Variants in FBXW11 observed in about 807,000 individuals in gnomAD.
FBXW11 encodes the protein F-box/WD repeat-containing protein 11.
FBXW11 carries 19 observed loss-of-function variants against 77.6 expected under a neutral mutation model. The observed-to-expected ratio is 0.24, with a 90% CI of 0.17 to 0.36. The LOEUF (loss-of-function observed/expected upper bound fraction) is 0.36. Among genes scored for constraint, FBXW11 ranks in the 10% least tolerant of loss-of-function variants. The pLI is 1.00. For missense variants in FBXW11, 334 were observed against 704.2 expected, an observed-to-expected ratio of 0.47 and a Z score of 5.95; for synonymous variants, 235 against 249.4, an observed-to-expected ratio of 0.94 and a Z score of 0.54.
intron 1 of FBXW11, among the ~76,000 whole-genome samples, chr5:171,970,571 A>C (rs1402866420): frequency 6.6e-6 from 1 of 152,242 alleles, no homozygotes; most frequent in African/African-American, 2.4e-5. Context: ...TCTTGAATAC[A>C]TACAACATTT....
At chr5:171,913,560 T>A (rs952538221) in intron 3 of FBXW11, among the ~76,000 whole-genome samples, 3 of 152,204 alleles carry the variant, frequency 2.0e-5, no homozygotes, top group Non-Finnish European at 2.9e-5. Context: ...CAGCAAGCTC[T>A]TCCTAGCATT....
chr5:171,967,871 T>TACACACACACAC (rs1764290306), intron 1 of FBXW11, among the ~76,000 whole-genome samples: 1 of 110,854 alleles, frequency 9.0e-6, no homozygotes, highest in Non-Finnish European at 1.8e-5. Flanking sequence ...TATATATATA[T>TACACACACACAC]ATATATATAT....
intron 1 of FBXW11, among the ~76,000 whole-genome samples, chr5:171,985,947 A>C (rs952991348): frequency 2.3e-4 from 35 of 152,092 alleles, no homozygotes; most frequent in African/African-American, 8.5e-4. Flanking sequence ...ATTCTGACCC[A>C]AAAAAATAAA....
chr5:171,938,384 A>G (rs1018367719), intron 2 of FBXW11, among the ~76,000 whole-genome samples: 2 of 152,354 alleles, frequency 1.3e-5, no homozygotes, highest in African/African-American at 4.8e-5. Context: ...TTCAAAAAAC[A>G]TAACATGACC....
At chr5:171,967,196 C>T (rs1764236662) in intron 1 of FBXW11, among the ~76,000 whole-genome samples, 1 of 152,164 alleles carries the variant, frequency 6.6e-6, no homozygotes, top group South Asian at 2.1e-4. Context: ...AACTCATGCA[C>T]ATCATTTGAC....
At chr5:171,968,128 A>G (rs976053631) in intron 1 of FBXW11, among the ~76,000 whole-genome samples, 5 of 152,008 alleles carry the variant, frequency 3.3e-5, no homozygotes, top group African/African-American at 7.3e-5. Flanking sequence ...CATTCTCCTA[A>G]TGAAGGTGGA....
chr5:171,962,383 T>C lies in FBXW11; in HGVS notation c.46-4685A>G, dbSNP rs78750079. Among the ~76,000 whole-genome samples the C allele has an allele frequency of 4.0e-4, 61 of 152,322 alleles. 3 individuals are homozygous for C. In the East Asian group the frequency reaches 0.012, roughly 29 times the overall value. ...TAATTTCGTATTTAGCTACTTGTAA[T>C]GATTAATATTCTAATTTAGGGTTGT... On this transcript the variant is annotated intron_variant, in intron 1 of 13. Transcript: ENST00000517395.
At position 171,913,996 on chromosome 5, in the gene FBXW11, A is replaced by G. The variant is rs553332286; in HGVS notation, c.210+347T>C. On this transcript the variant is annotated intron_variant, in intron 3 of 13. Coordinates refer to ENST00000517395, the MANE Select transcript of FBXW11 (RefSeq NM_001378974.1). ...GAGAGAAGAGTAAAGGTTGAGAGCA[A>G]AAGGAGAAAAGGTCATCCATGTATA... is the stretch of plus-strand genomic sequence containing the variant. Among the ~76,000 whole-genome samples the G allele has an allele frequency of 2.6e-5, 4 of 152,192 alleles. No individual in the cohort carries two copies. The South Asian group carries it at 8.3e-4, about 32-fold the overall frequency.
intron 7 of FBXW11, among the ~76,000 whole-genome samples, chr5:171,885,156 T>C (rs945314783): frequency 3.9e-5 from 6 of 152,334 alleles, no homozygotes; most frequent in South Asian, 2.1e-4. Context: ...GGCTAAGCAG[T>C]TTCTACTGAA....
chr5:171,876,271 G>A lies in FBXW11; in HGVS notation c.1221+14C>T. 1.2e-6 allele frequency: 2 copies of A among 1,613,948 alleles called. No homozygotes were observed. Among genetic ancestry groups the A allele is most frequent in the South Asian group, 1.1e-5 (1 of 91,050 alleles). On this transcript the variant is annotated intron_variant, in intron 9 of 13. Coordinates refer to ENST00000517395, the MANE Select transcript of FBXW11 (RefSeq NM_001378974.1). The surrounding 1 kb of genome is among the most constrained non-coding windows in gnomAD (Gnocchi z 4.2). Reference sequence around the variant, plus strand: ...GACAGGAACAGGTAGGGTTATGACTGCAGACATACTTACTTTGATGGTCCT... The same window carrying A: ...GACAGGAACAGGTAGGGTTATGACTACAGACATACTTACTTTGATGGTCCT...
intron 6 of FBXW11, among the ~76,000 whole-genome samples, chr5:171,897,186 T>C (rs1759798481): frequency 6.6e-6 from 1 of 152,220 alleles, no homozygotes; most frequent in Admixed American, 6.5e-5. Flanking sequence ...GTCCAAAATG[T>C]TAAAAGAGAA....
At chr5:171,872,321 C>G (rs796683708) in intron 10 of FBXW11, among the ~76,000 whole-genome samples, 28 of 152,230 alleles carry the variant, frequency 1.8e-4, no homozygotes, top group African/African-American at 6.5e-4. Flanking sequence ...TGTAATGCCA[C>G]TAGAGTGTGT....
intron 2 of FBXW11, among the ~76,000 whole-genome samples, chr5:171,917,153 T>C (rs1298799396): frequency 6.6e-6 from 1 of 152,100 alleles, no homozygotes; most frequent in Non-Finnish European, 1.5e-5. Context: ...TCTCTTGAAC[T>C]CGTGATCTGC....
chr5:171,868,895 A>T, intron 12 of FBXW11, 99 bp from the exon 13 acceptor site: 1 of 1,078,538 alleles, frequency 9.3e-7, no homozygotes, highest in Non-Finnish European at 1.3e-6. Context: ...AGCCACTTAA[A>T]CAGACTTCCT....
intron 2 of FBXW11, among the ~76,000 whole-genome samples, chr5:171,924,135 G>A (rs889447419): frequency 6.6e-6 from 1 of 151,628 alleles, no homozygotes; most frequent in Non-Finnish European, 1.5e-5. Flanking sequence ...TGTTGGCCAG[G>A]CTGGTCTTGA....
At chr5:171,944,841 G>A (rs1007305624) in intron 2 of FBXW11, among the ~76,000 whole-genome samples, 6 of 152,062 alleles carry the variant, frequency 3.9e-5, no homozygotes, top group Non-Finnish European at 8.8e-5. Flanking sequence ...AAAGAAAGAA[G>A]TCCAAAGTAG....
chr5:171,973,272 A>G (rs1248157019), intron 1 of FBXW11, among the ~76,000 whole-genome samples: 1 of 152,258 alleles, frequency 6.6e-6, no homozygotes. Flanking sequence ...AGTTATACAG[A>G]ACAAATAAGC....
intron 1 of FBXW11, chr5:171,977,653 G>A: frequency 2.2e-6 from 1 of 450,812 alleles, no homozygotes; most frequent in East Asian, 7.2e-5. Flanking sequence ...CATGGATGGG[G>A]AGGCCTCATA....
At chr5:171,887,483 C>G (rs1329177150) in intron 7 of FBXW11, among the ~76,000 whole-genome samples, 1 of 151,786 alleles carries the variant, frequency 6.6e-6, no homozygotes, top group Non-Finnish European at 1.5e-5. Flanking sequence ...AGAAAGCCCA[C>G]TACAATCTAT....
Sources: allele counts gnomAD v4.1 joint callset (sites outside exome capture counted in the v4.1 genomes callset), GRCh38; gene constraint gnomAD v4.1.1; non-coding constraint Gnocchi (gnomAD v3.1); transcripts MANE v1.5; gene names NCBI Gene and HGNC (gene_info 2026-07-23, HGNC 2026-07-21).